Variants in ASCC3 observed in about 807,000 individuals in gnomAD.
ASCC3 encodes ASC-1 complex subunit P200.
A neutral mutation model predicts 256.3 loss-of-function variants in ASCC3; 158 were observed. That is an observed-to-expected ratio of 0.62 (90% CI 0.54 to 0.70). The LOEUF is 0.70. ASCC3 is among the 30% of genes least tolerant of loss of function. The pLI, the probability that ASCC3 is intolerant of heterozygous loss-of-function variation, is 0.00. For synonymous variants in ASCC3, 948 were observed against 883.4 expected, an observed-to-expected ratio of 1.07 and a Z score of -1.30; for missense variants, 2,259 against 2,626.0, an observed-to-expected ratio of 0.86 and a Z score of 3.05.
chr6:100,542,982 TAATA>T (rs958313038), intron 36 of ASCC3, among the ~76,000 whole-genome samples: 6 of 152,078 alleles, frequency 3.9e-5, no homozygotes, highest in African/African-American at 7.2e-5. Flanking sequence ...TAAACAAAAA[TAATA>T]AATAATGCAT....
rs184779527 is a variant in ASCC3 at position 100,849,305 on chromosome 6, C to A, written c.242-598G>T. 3.3e-5 allele frequency among the ~76,000 whole-genome samples: 5 copies of A among 152,218 alleles called. No individual in the cohort carries two copies. In the East Asian group the frequency reaches 9.7e-4, roughly 29 times the overall value. On this transcript the variant is annotated intron_variant, in intron 3 of 41. Transcript: ENST00000369162. ...TTCTAAAAACAACTTGAGACACTAG[C>A]TAAAACTCACTTTAAAACTAATTTT... is the stretch of plus-strand genomic sequence containing the variant.
intron 36 of ASCC3, among the ~76,000 whole-genome samples, chr6:100,543,006 T>C (rs1775539558): frequency 6.6e-6 from 1 of 152,190 alleles, no homozygotes; most frequent in South Asian, 2.1e-4. Flanking sequence ...TTATGGAGTT[T>C]AAAATACATA....
In ASCC3 at chr6:100,851,850, T is replaced by C. The variant is rs555415478; in HGVS notation, c.242-3143A>G. ...AATGACTACGGCATTCTGAAAACAA[T>C]GAACTTTTTCAGGGCGCTAAAACAT... On this transcript the variant is annotated intron_variant, in intron 3 of 41. Transcript: ENST00000369162. Among the ~76,000 whole-genome samples the C allele has an allele frequency of 2.0e-4, 30 of 152,254 alleles. No individual in the cohort carries two copies. The East Asian group carries it at 2.5e-3, about 13-fold the overall frequency.
chr6:100,830,258 C>A (rs1205245825), intron 4 of ASCC3, among the ~76,000 whole-genome samples: 1 of 151,762 alleles, frequency 6.6e-6, no homozygotes, highest in African/African-American at 2.4e-5. Context: ...GACAAAAAAA[C>A]TAAAATTTTA....
At chr6:100,870,289 G>T (rs12211316) in intron 1 of ASCC3, among the ~76,000 whole-genome samples, 1 of 151,510 alleles carries the variant, frequency 6.6e-6, no homozygotes, top group African/African-American at 2.4e-5. Flanking sequence ...GCTTGAACCT[G>T]GGAGGCAGAG....
intron 10 of ASCC3, among the ~76,000 whole-genome samples, chr6:100,733,208 A>C (rs531636517): frequency 7.9e-5 from 12 of 152,320 alleles, no homozygotes; most frequent in African/African-American, 2.6e-4. Context: ...TTATTCTGGC[A>C]TCAAACTTTA....
intron 37 of ASCC3, among the ~76,000 whole-genome samples, chr6:100,537,417 T>C (rs1461117363): frequency 6.6e-6 from 1 of 152,084 alleles, no homozygotes; most frequent in Non-Finnish European, 1.5e-5. Flanking sequence ...GACAACTAAA[T>C]GAAACGTGGG....
intron 36 of ASCC3, among the ~76,000 whole-genome samples, chr6:100,581,134 C>T (rs1470967332): frequency 9.9e-5 from 15 of 152,144 alleles, no homozygotes; most frequent in Non-Finnish European, 2.9e-5. Flanking sequence ...ATTTCTACTT[C>T]TAGATCCCTG....
At chr6:100,796,851 A>G (rs1253057969) in intron 8 of ASCC3, among the ~76,000 whole-genome samples, 1 of 152,178 alleles carries the variant, frequency 6.6e-6, no homozygotes, top group Non-Finnish European at 1.5e-5. Context: ...CAGTAGGTGA[A>G]TAGTTTAAAA....
chr6:100,812,213 C>A (rs1016519978), intron 4 of ASCC3, among the ~76,000 whole-genome samples: 3 of 152,070 alleles, frequency 2.0e-5, no homozygotes, highest in African/African-American at 7.2e-5. Flanking sequence ...GGACAAATAT[C>A]CAGCGTATCC....
chr6:100,561,475 C>T (rs954729783), intron 36 of ASCC3, among the ~76,000 whole-genome samples: 4 of 152,024 alleles, frequency 2.6e-5, no homozygotes, highest in Non-Finnish European at 4.4e-5. Context: ...AAACAAAACC[C>T]TGCTTTTAAG....
Position 100,856,152 on chromosome 6 carries a change from G to T in ASCC3, c.242-7445C>A, listed in dbSNP as rs550098833. The stretch of plus-strand genomic sequence containing the variant: ...CAGACTTGAGCCCTACCATTATCAA[G>T]CTGCTGACCTACATAGGGAACTTGT... On this transcript the variant is annotated intron_variant, in intron 3 of 41. Coordinates refer to ENST00000369162, the MANE Select transcript of ASCC3 (RefSeq NM_006828.4). 2.0e-5 allele frequency among the ~76,000 whole-genome samples: 3 copies of T among 152,286 alleles called. No individual in the cohort carries two copies. In the South Asian group the frequency reaches 6.2e-4, roughly 32 times the overall value.
At chr6:100,674,480 T>C (rs964608949) in intron 14 of ASCC3, among the ~76,000 whole-genome samples, 2 of 152,080 alleles carry the variant, frequency 1.3e-5, no homozygotes, top group African/African-American at 4.8e-5. Context: ...CAATATTATT[T>C]TTTATTGTTC....
intron 8 of ASCC3, among the ~76,000 whole-genome samples, chr6:100,770,552 C>G (rs1781868202): frequency 6.6e-6 from 1 of 151,520 alleles, no homozygotes; most frequent in Admixed American, 6.6e-5. Context: ...GAAAAAAATA[C>G]CTGTATTTAG....
At chr6:100,763,510 T>C (rs1447191937) in intron 10 of ASCC3, among the ~76,000 whole-genome samples, 2 of 152,068 alleles carry the variant, frequency 1.3e-5, no homozygotes. Flanking sequence ...GGCTCAAAAC[T>C]TCTTGGAAGG....
chr6:100,625,346 T>C lies in ASCC3; in HGVS notation c.4643-12A>G, dbSNP rs1774172516. On this transcript the variant is annotated splice_polypyrimidine_tract_variant and intron_variant, in intron 29 of 41. Coordinates refer to ENST00000369162, the MANE Select transcript of ASCC3 (RefSeq NM_006828.4). Reference sequence around the variant, plus strand: ...ATGGCTTCTAATTGCTGTTGAAAAGTTGTGGGAAATAAAATGGAAAGATAC... The same window carrying C: ...ATGGCTTCTAATTGCTGTTGAAAAGCTGTGGGAAATAAAATGGAAAGATAC... 6.2e-7 allele frequency: 1 copy of C among 1,611,592 alleles called. No homozygotes were observed. The highest frequency in any genetic ancestry group is 1.1e-5 in the South Asian group (1 of 91,026).
intron 40 of ASCC3, among the ~76,000 whole-genome samples, chr6:100,512,352 T>C (rs1773805357): frequency 6.6e-6 from 1 of 152,188 alleles, no homozygotes; most frequent in African/African-American, 2.4e-5. Flanking sequence ...AGTGAAGGTA[T>C]AGATTTTGAG....
chr6:100,650,637 C>T lies in ASCC3; in HGVS notation c.3153G>A (p.Glu1051=), dbSNP rs776676508. 5 of 1,612,738 alleles carry T rather than the reference C, an allele frequency of 3.1e-6. No homozygotes were observed. In the South Asian group the frequency reaches 5.5e-5, roughly 18 times the overall value. The change falls in exon 20 of 42, where the codon GAG becomes GAA. Residue 1051 remains glutamate (E), a synonymous_variant. Transcript: ENST00000369162. ...AGATGTTTATTTTCCCATAACTATT[C>T]TCTACACCTCCAGGAGTGGAGAGTT... ...FCELSTPGGV[E]NSYGKINILL... is the part of the protein sequence containing the mutation.
intron 30 of ASCC3, among the ~76,000 whole-genome samples, chr6:100,611,068 A>C (rs933289459): frequency 2.6e-5 from 4 of 152,182 alleles, no homozygotes; most frequent in African/African-American, 9.6e-5. Flanking sequence ...AAAGCTAAAG[A>C]ATCCTCTGGC....
Sources: allele counts gnomAD v4.1 joint callset (sites outside exome capture counted in the v4.1 genomes callset), GRCh38; gene constraint gnomAD v4.1.1; transcripts MANE v1.5; gene names NCBI Gene and HGNC (gene_info 2026-07-23, HGNC 2026-07-21).